Variants in CDH2 observed in about 807,000 individuals in gnomAD.
CDH2 encodes cadherin-2.
Under a neutral mutation model 92.0 loss-of-function variants are expected in CDH2, and 17 were observed. The observed-to-expected ratio is 0.18, with a 90% CI of 0.13 to 0.28. The LOEUF (loss-of-function observed/expected upper bound fraction) is 0.28. CDH2 is among the 10% of genes least tolerant of loss of function. The probability of loss-of-function intolerance (pLI) is 1.00; values close to 1 mark genes in which losing one functional copy is unlikely to be tolerated. For missense variants in CDH2, 862 were observed against 1,133.1 expected, an observed-to-expected ratio of 0.76 and a Z score of 3.44; for synonymous variants, 419 against 415.9, an observed-to-expected ratio of 1.01 and a Z score of -0.09.
At chr18:28,001,657 AT>A (rs1454470510) in intron 7 of CDH2, among the ~76,000 whole-genome samples, 1 of 152,214 alleles carries the variant, frequency 6.6e-6, no homozygotes, top group Non-Finnish European at 1.5e-5. Flanking sequence ...GATGCAAATC[AT>A]TTCTAGAAAA....
Position 28,176,955 on chromosome 18 carries a change from C to T in CDH2, c.60+8G>A. 1 of 1,371,980 alleles carries T rather than the reference C, an allele frequency of 7.3e-7. No individual in the cohort carries two copies. Among genetic ancestry groups the T allele is most frequent in the African/African-American group, 1.5e-5 (1 of 66,514 alleles). 85.0% of individuals were successfully genotyped at this position (1,371,980 alleles called of 1,614,324 possible). On this transcript the variant is annotated splice_region_variant and intron_variant, in intron 1 of 15. Transcript: ENST00000269141. ...CCCGTGGCCCGGCCCGCGGGGACCG[C>T]CGCGTACCTGAAGCAGGGCCGCCAG...
At chr18:28,086,429 C>T (rs1282966459) in intron 2 of CDH2, among the ~76,000 whole-genome samples, 2 of 151,784 alleles carry the variant, frequency 1.3e-5, no homozygotes, top group East Asian at 1.9e-4. Flanking sequence ...AGTAAAAGGT[C>T]CATTTATTTA....
At chr18:28,010,593 G>A (rs901267220) in intron 4 of CDH2, among the ~76,000 whole-genome samples, 6 of 152,028 alleles carry the variant, frequency 3.9e-5, no homozygotes, top group Non-Finnish European at 8.8e-5. Flanking sequence ...AGGGGACGAA[G>A]GGAGGCAGGT....
intron 1 of CDH2, among the ~76,000 whole-genome samples, chr18:28,162,342 G>C (rs1198606270): frequency 6.6e-6 from 1 of 152,148 alleles, no homozygotes; most frequent in African/African-American, 2.4e-5. Context: ...ACAAATGCTT[G>C]GAACAGAAAG....
chr18:28,170,665 C>A (rs1170977764), intron 1 of CDH2, among the ~76,000 whole-genome samples: 1 of 152,086 alleles, frequency 6.6e-6, no homozygotes, highest in African/African-American at 2.4e-5. Context: ...TTTTTAGGTT[C>A]ATGACTATTC....
rs1231146233 is a variant in CDH2, at chr18:27,951,741, G to GTATT, written c.*408_*411dup. 3 of 158,794 alleles carry GTATT rather than the reference G, an allele frequency of 1.9e-5. No individual in the cohort carries two copies. The highest frequency in any genetic ancestry group is 1.8e-4 in the Admixed American group (3 of 16,374). 9.8% of individuals were successfully genotyped at this position (158,794 alleles called of 1,614,324 possible). ...TGAGTTTTTTTGTTTGTTTAATTTTGTATTTTAATAAAAGCAAATGCAATG... is the reference window on the plus strand; with the variant it reads ...TGAGTTTTTTTGTTTGTTTAATTTTGTATTTATTTTAATAAAAGCAAATGCAATG... On this transcript the variant is annotated 3_prime_UTR_variant, in exon 16 of 16. Transcript: ENST00000269141.
intron 2 of CDH2, among the ~76,000 whole-genome samples, chr18:28,082,631 C>G (rs2014853396): frequency 6.6e-6 from 1 of 152,104 alleles, no homozygotes; most frequent in South Asian, 2.1e-4. Context: ...TTCATTAATC[C>G]TATTTTATAT....
At chr18:28,165,643 A>G (rs2144360681) in intron 1 of CDH2, among the ~76,000 whole-genome samples, 1 of 152,272 alleles carries the variant, frequency 6.6e-6, no homozygotes, top group Non-Finnish European at 1.5e-5. Context: ...GTGTTGTCCA[A>G]GTCCACACAA....
intron 2 of CDH2, among the ~76,000 whole-genome samples, chr18:28,098,265 A>C (rs1194596949): frequency 6.6e-6 from 1 of 152,202 alleles, no homozygotes; most frequent in Admixed American, 6.5e-5. Flanking sequence ...ATTTAGGAAA[A>C]ATGCATTAAA....
In CDH2 at chr18:28,096,664, G is replaced by A. The variant is rs147358774; in HGVS notation, c.172+51009C>T. 4.3e-3 allele frequency among the ~76,000 whole-genome samples: 659 copies of A among 152,220 alleles called. 5 individuals are homozygous for A. The highest frequency in any genetic ancestry group is 0.015 in the African/African-American group (632 of 41,530). ...AGCAAAATCCAAAATTATCAAATCA[G>A]GGAAGAATGTTAACAAACTAAAGTG... On this transcript the variant is annotated intron_variant, in intron 2 of 15. Coordinates refer to ENST00000269141, the MANE Select transcript of CDH2 (RefSeq NM_001792.5).
intron 14 of CDH2, among the ~76,000 whole-genome samples, chr18:27,981,856 T>G (rs891059954): frequency 1.3e-5 from 2 of 152,224 alleles, no homozygotes; most frequent in African/African-American, 4.8e-5. Flanking sequence ...TCTTTCAGAC[T>G]GTTATCCCCG....
intron 1 of CDH2, among the ~76,000 whole-genome samples, chr18:28,159,658 G>GT (rs775758310): frequency 0.13 from 17,506 of 134,788 alleles, 2,695 homozygotes; most frequent in African/African-American, 0.37. Flanking sequence ...CAATTTTTTT[G>GT]TTTTTTTTTT....
intron 2 of CDH2, among the ~76,000 whole-genome samples, chr18:28,027,781 T>C (rs2013594174): frequency 6.6e-6 from 1 of 152,010 alleles, no homozygotes; most frequent in African/African-American, 2.4e-5. Flanking sequence ...CAATGAAAAC[T>C]CTTTCTTTTG....
Position 27,952,227 on chromosome 18 carries a change from C to T in CDH2, c.2647G>A (p.Asp883Asn), listed in dbSNP as rs377612781. The T allele has an allele frequency of 1.9e-6, 3 of 1,613,402 alleles. No homozygotes were observed. Among genetic ancestry groups the T allele is most frequent in the Admixed American group, 1.7e-5 (1 of 59,942 alleles). Residue 883 changes from aspartate to asparagine, a missense_variant, in exon 16 of 16, where the codon GAC (aspartate) becomes AAC (asparagine). Asp to Asn is a conservative substitution (Grantham distance 23). Around this residue, in one of 5 missense-constraint regions of CDH2, gnomAD observed 114 missense variants for 144.8 expected, o/e 0.79. Coordinates refer to ENST00000269141, the MANE Select transcript of CDH2 (RefSeq NM_001792.5). ...LNSSSSGGEQDYDYLNDWGPR... is the reference protein window; with the variant it reads ...LNSSSSGGEQNYDYLNDWGPR... ...CCCCAGTCGTTCAGGTAATCATAGTCCTGCTCACCACCACTACTTGAGGAA... is the reference window on the plus strand; with the variant it reads ...CCCCAGTCGTTCAGGTAATCATAGTTCTGCTCACCACCACTACTTGAGGAA...
At chr18:28,016,842 T>C (rs2013262178) in intron 2 of CDH2, among the ~76,000 whole-genome samples, 1 of 152,198 alleles carries the variant, frequency 6.6e-6, no homozygotes, top group African/African-American at 2.4e-5. Flanking sequence ...AATAGCGCAT[T>C]AAAAAGAAAT....
chr18:27,940,896 G>C (rs1047727949), intron 6 of CDH2, among the ~76,000 whole-genome samples: 2 of 152,036 alleles, frequency 1.3e-5, no homozygotes, highest in African/African-American at 4.8e-5. Context: ...TGGAACAAAA[G>C]AACAAATGAA....
intron 2 of CDH2, among the ~76,000 whole-genome samples, chr18:28,041,036 C>T (rs1260604206): frequency 6.6e-6 from 1 of 152,130 alleles, no homozygotes; most frequent in Non-Finnish European, 1.5e-5. Context: ...TCTGTGATTC[C>T]AAATCCTGGT....
chr18:28,106,331 C>T (rs1295698548), intron 2 of CDH2, among the ~76,000 whole-genome samples: 1 of 151,980 alleles, frequency 6.6e-6, no homozygotes, highest in Non-Finnish European at 1.5e-5. Flanking sequence ...GCAGGAGAAT[C>T]GCTTGAACCT....
intron 6 of CDH2, among the ~76,000 whole-genome samples, chr18:27,942,242 A>G (rs1598976800): frequency 6.6e-6 from 1 of 152,336 alleles, no homozygotes; most frequent in East Asian, 1.9e-4. Context: ...ATATGAGAAT[A>G]ACCTGAAACT....
Sources: gnomAD v4.1 joint callset for allele counts (sites outside exome capture counted in the v4.1 genomes callset) on GRCh38, gnomAD v4.1.1 for gene constraint, gnomAD v4.1.1 regional missense constraint, MANE v1.5 for transcripts, NCBI Gene and HGNC (gene_info 2026-07-23, HGNC 2026-07-21) for gene names.